Variants in RHOBTB2 observed in about 807,000 individuals in gnomAD.
RHOBTB2 encodes rho-related BTB domain-containing protein 2.
A neutral mutation model predicts 66.5 loss-of-function variants in RHOBTB2; 39 were observed. The observed-to-expected ratio is 0.59, with a 90% confidence interval of 0.45 to 0.77. RHOBTB2 has a LOEUF of 0.77. Among genes scored for constraint, RHOBTB2 ranks in the 30% least tolerant of loss-of-function variants. The probability of loss-of-function intolerance (pLI) is 0.00; values close to 1 mark genes in which losing one functional copy is unlikely to be tolerated. For synonymous variants in RHOBTB2, 390 were observed against 395.0 expected (o/e 0.99, Z 0.15); for missense variants, 755 against 999.1 (o/e 0.76, Z 3.29).
At position 23,010,470 on chromosome 8, in the gene RHOBTB2, C is replaced by T. The variant is rs1185351580; in HGVS notation, c.1621-68C>T. 1.6e-5 allele frequency: 24 copies of T among 1,539,230 alleles called. No individual in the cohort carries two copies. In the East Asian group the frequency reaches 5.2e-4, roughly 34 times the overall value. On this transcript the variant is annotated intron_variant, in intron 6 of 9. Coordinates refer to ENST00000251822, the MANE Select transcript of RHOBTB2 (RefSeq NM_015178.3). ...TGTGAGGGCCAGAGCTCTTCAATTT[C>T]TCAGGGTTCAGTTCATCTTCTCCTA...
chr8:22,971,756 A>C, the RHOBTB2 span, among the ~76,000 whole-genome samples: 1 of 152,022 alleles, frequency 6.6e-6, no homozygotes, highest in African/African-American at 2.4e-5. Flanking sequence ...CTATCCTTTG[A>C]ATGTGACTTT....
the RHOBTB2 span, among the ~76,000 whole-genome samples, chr8:22,970,129 A>C: frequency 6.6e-6 from 1 of 152,216 alleles, no homozygotes. Context: ...TAATTTATAA[A>C]GAAAAGAAAT....
chr8:23,007,807 T>A (rs2430815), intron 5 of RHOBTB2, 61 bp downstream of exon 5: 129 of 1,578,628 alleles, frequency 8.2e-5, no homozygotes, highest in Admixed American at 1.4e-4. Flanking sequence ...ATTGCCTGTC[T>A]GTCTCAGCTC....
chr8:23,006,538 A>G lies in RHOBTB2; in HGVS notation c.483-190A>G, dbSNP rs922294694. The G allele has an allele frequency of 3.2e-6, 2 of 622,674 alleles. No individual in the cohort carries two copies. The highest frequency in any genetic ancestry group is 1.8e-5 in the African/African-American group (1 of 54,178). The allele number at this position is 622,674 out of a possible 1,614,324, so 38.6% of individuals were successfully genotyped here. A position where few individuals can be genotyped will look rare whatever the true frequency, so the allele number is the denominator to read the frequency against. On this transcript the variant is annotated intron_variant, in intron 4 of 9. Coordinates refer to ENST00000251822, the MANE Select transcript of RHOBTB2 (RefSeq NM_015178.3). This position sits in a 1 kb window ranked among gnomAD's most constrained non-coding sequence, Gnocchi z 6.1. The stretch of plus-strand genomic sequence containing the variant: ...CACTGGGGCCTGGCATAGTAGGGAA[A>G]GCTTTCTGGAAGAAAAAGGGCTTGG...
the RHOBTB2 span, among the ~76,000 whole-genome samples, chr8:22,976,759 G>A: frequency 0.022 from 3,322 of 151,868 alleles, 112 homozygotes; most frequent in African/African-American, 0.076. Context: ...CCAAGTAGCC[G>A]TGATTACAAG....
Position 23,007,735 on chromosome 8 carries a change from G to T in RHOBTB2, c.1490G>T (p.Gly497Val), listed in dbSNP as rs550141841. The T allele has an allele frequency of 1.2e-6, 2 of 1,613,414 alleles. No individual in the cohort carries two copies. Among genetic ancestry groups the T allele is most frequent in the African/African-American group, 1.3e-5 (1 of 74,932 alleles). Residue 497 changes from glycine to valine, a missense_variant, in exon 5 of 10, where the codon GGC (glycine) becomes GTC (valine). Physicochemically the swap from Gly to Val is moderately radical, Grantham distance 109. Coordinates refer to ENST00000251822, the MANE Select transcript of RHOBTB2 (RefSeq NM_015178.3). The part of the protein sequence containing the change: ...TNRVKECLAK[G>V]TFSDVTFILD... ...CGGGTTAAGGAGTGCTTGGCAAAAG[G>T]CACCTTCTCAGGTATGGAACAGGCT...
the RHOBTB2 span, among the ~76,000 whole-genome samples, chr8:22,967,133 A>G: frequency 6.6e-6 from 1 of 152,256 alleles, no homozygotes; most frequent in Admixed American, 6.5e-5. Flanking sequence ...AAGCAACCCA[A>G]GTGTCCATCA....
the RHOBTB2 span, among the ~76,000 whole-genome samples, chr8:22,956,167 G>A: frequency 0.017 from 2,621 of 152,272 alleles, 53 homozygotes; most frequent in African/African-American, 0.051. Context: ...AATAACTAAT[G>A]TCTTGCATAA....
chr8:23,007,564 AGAACGAGCGT>A lies in RHOBTB2; in HGVS notation c.1322_1331del (p.Asn441ThrfsTer19). On this transcript the variant is annotated frameshift_variant, in exon 5 of 10. Transcript: ENST00000251822. LOFTEE classifies it high-confidence loss of function. The stretch of plus-strand genomic sequence containing the variant: ...TACCTGTACACGGGGGAGCTAGATG[AGAACGAGCGT>A]GACCTCATGCACATTGCCCACATTG... 6.2e-7 allele frequency: 1 copy of A among 1,614,200 alleles called. No homozygotes were observed. Among genetic ancestry groups the A allele is most frequent in the Non-Finnish European group, 8.5e-7 (1 of 1,180,044 alleles).
upstream of RHOBTB2, among the ~76,000 whole-genome samples, chr8:22,983,356 A>G (rs1810242182): frequency 6.6e-6 from 1 of 151,754 alleles, no homozygotes; most frequent in Non-Finnish European, 1.5e-5. Context: ...AAAAACAAAA[A>G]AGAAGAAGAA....
chr8:23,008,743 T>G (rs1811046579), intron 6 of RHOBTB2, among the ~76,000 whole-genome samples: 1 of 152,064 alleles, frequency 6.6e-6, no homozygotes, highest in East Asian at 1.9e-4. Context: ...CGAGGCAGGT[T>G]GAGCAGGTTT....
rs767789125 is a variant in RHOBTB2 at position 23,007,653 on chromosome 8, A to C, written c.1408A>C (p.Asn470His). The C allele has an allele frequency of 6.2e-7, 1 of 1,614,130 alleles. No individual in the cohort carries two copies. The highest frequency in any genetic ancestry group is 8.5e-7 in the Non-Finnish European group (1 of 1,180,020). Residue 470 changes from asparagine (N) to histidine (H), a missense_variant, in exon 5 of 10, where the codon AAT becomes CAT. Transcript: ENST00000251822. Reference protein sequence around the residue: ...LRMMVANILNNEAFMNQEITK... With the variant: ...LRMMVANILNHEAFMNQEITK... ...CATGATGGTGGCCAACATTCTCAAC[A>C]ATGAGGCCTTCATGAACCAGGAGAT...
At chr8:23,005,608 A>C in intron 3 of RHOBTB2, 133 bp downstream of exon 3, 2 of 698,682 alleles carry the variant, frequency 2.9e-6, no homozygotes, top group Non-Finnish European at 2.5e-6. Context: ...GCAGAGCCTC[A>C]TGGGGGCTGG....
chr8:22,989,271 C>G (rs1810365367), intron 1 of RHOBTB2, among the ~76,000 whole-genome samples: 3 of 152,080 alleles, frequency 2.0e-5, no homozygotes, highest in Admixed American at 2.0e-4. Context: ...CCTCAGCCTC[C>G]CAAGTAGCTG....
At chr8:22,993,127 C>T (rs576879506) in intron 2 of RHOBTB2, among the ~76,000 whole-genome samples, 35 of 152,278 alleles carry the variant, frequency 2.3e-4, no homozygotes, top group African/African-American at 7.7e-4. Flanking sequence ...AGCCAAGGTG[C>T]GCATGGGATT....
the RHOBTB2 span, among the ~76,000 whole-genome samples, chr8:22,958,339 A>G: frequency 6.6e-6 from 1 of 152,254 alleles, no homozygotes; most frequent in South Asian, 2.1e-4. Flanking sequence ...TGGAGGGGGT[A>G]TAACAGGGTC....
chr8:23,011,915 G>A (rs1478452492), intron 7 of RHOBTB2, among the ~76,000 whole-genome samples: 6 of 152,182 alleles, frequency 3.9e-5, no homozygotes, highest in South Asian at 2.1e-4. Flanking sequence ...ACAGCAATCC[G>A]TGAGGAAAAA....
upstream of RHOBTB2, chr8:22,995,984 C>A: frequency 1.8e-6 from 2 of 1,129,344 alleles, no homozygotes; most frequent in Non-Finnish European, 2.6e-6. Context: ...GTTGGGCTGG[C>A]ACTGGGAAGG....
At chr8:22,978,721 T>C in the RHOBTB2 span, among the ~76,000 whole-genome samples, 4 of 152,148 alleles carry the variant, frequency 2.6e-5, no homozygotes, top group South Asian at 2.1e-4. Flanking sequence ...TATAACTGCA[T>C]GTTCATTGAC....
Sources: gnomAD v4.1 joint callset for allele counts (sites outside exome capture counted in the v4.1 genomes callset) on GRCh38, gnomAD v4.1.1 for gene constraint, Gnocchi (gnomAD v3.1) non-coding constraint, MANE v1.5 for transcripts, NCBI Gene and HGNC (gene_info 2026-07-23, HGNC 2026-07-21) for gene names.